The following ANO2 variants were observed in gnomAD, a reference collection of about 807,000 sequenced individuals.
ANO2 encodes the protein anoctamin-2.
ANO2 carries 101 observed loss-of-function variants against 124.2 expected under a neutral mutation model. The observed-to-expected ratio is 0.81, with a 90% CI of 0.69 to 0.96. The LOEUF (loss-of-function observed/expected upper bound fraction) is 0.96. Ranked by LOEUF, ANO2 falls within the 40% of genes least tolerant of loss-of-function variation. The pLI is 0.00. For missense variants in ANO2, 1,293 were observed against 1,274.5 expected, an observed-to-expected ratio of 1.01 and a Z score of -0.22; for synonymous variants, 486 against 482.5, an observed-to-expected ratio of 1.01 and a Z score of -0.09.
chr12:5,896,988 CATAAA>C (rs1325693048), intron 3 of ANO2, among the ~76,000 whole-genome samples: 1 of 152,032 alleles, frequency 6.6e-6, no homozygotes. Flanking sequence ...AAATGTTGAA[CATAAA>C]ATAAATCATC....
chr12:5,614,801 C>T (rs1265430239), intron 17 of ANO2, among the ~76,000 whole-genome samples: 1 of 152,142 alleles, frequency 6.6e-6, no homozygotes, highest in Non-Finnish European at 1.5e-5. Flanking sequence ...TTGTGAGGGG[C>T]CGTGCCCTTA....
intron 14 of ANO2, among the ~76,000 whole-genome samples, chr12:5,684,756 G>A (rs748224614): frequency 6.6e-6 from 1 of 152,076 alleles, no homozygotes; most frequent in Non-Finnish European, 1.5e-5. Flanking sequence ...TTCTGATCAC[G>A]ACTCCCTTGA....
intron 3 of ANO2, among the ~76,000 whole-genome samples, chr12:5,912,003 G>T (rs983267540): frequency 6.6e-6 from 1 of 152,184 alleles, no homozygotes; most frequent in African/African-American, 2.4e-5. Context: ...CGTGACATTC[G>T]TTGAGCCATA....
At chr12:5,824,795 T>TA (rs1340604308) in intron 7 of ANO2, among the ~76,000 whole-genome samples, 1 of 152,132 alleles carries the variant, frequency 6.6e-6, no homozygotes, top group Non-Finnish European at 1.5e-5. Context: ...AAAAAGGACT[T>TA]ACAGTTACAC....
chr12:5,796,279 ACACACACTCATT>A (rs1286577705), intron 10 of ANO2, among the ~76,000 whole-genome samples: 1 of 151,452 alleles, frequency 6.6e-6, no homozygotes, highest in Non-Finnish European at 1.5e-5. Flanking sequence ...ACACGCATGC[ACACACACTCATT>A]CACACGCTCA....
Position 5,575,856 on chromosome 12 carries a change from C to CA in ANO2, c.2598dup (p.Asp867Ter). 9 of 1,613,910 alleles carry CA rather than the reference C, an allele frequency of 5.6e-6. No homozygotes were observed. Among genetic ancestry groups the CA allele is most frequent in the Non-Finnish European group, 7.6e-6 (9 of 1,179,856 alleles). On this transcript the variant is annotated frameshift_variant, in exon 23 of 25. Transcript: ENST00000682330. LOFTEE classifies it high-confidence loss of function. ...TACCTGCAGAACTGAACCTCCTGGT[C>CA]AAACTGTGAGTTTTCTGGCTGCGTC...
At chr12:5,911,108 T>G (rs1941021843) in intron 3 of ANO2, among the ~76,000 whole-genome samples, 1 of 152,170 alleles carries the variant, frequency 6.6e-6, no homozygotes, top group African/African-American at 2.4e-5. Flanking sequence ...CTCCCAGGAC[T>G]CTTTTCTCAC....
intron 20 of ANO2, among the ~76,000 whole-genome samples, chr12:5,593,339 C>G (rs757177612): frequency 1.2e-4 from 19 of 152,062 alleles, no homozygotes; most frequent in Non-Finnish European, 2.2e-4. Flanking sequence ...TTTTGGATGA[C>G]TAGAGGAACA....
chr12:5,719,971 G>A (rs562018854), intron 14 of ANO2, among the ~76,000 whole-genome samples: 1 of 152,072 alleles, frequency 6.6e-6, no homozygotes, highest in East Asian at 1.9e-4. Flanking sequence ...CTGGCTCAGG[G>A]TCTGCATCTG....
intron 14 of ANO2, among the ~76,000 whole-genome samples, chr12:5,723,360 T>C (rs1455569900): frequency 6.6e-6 from 1 of 152,190 alleles, no homozygotes; most frequent in Non-Finnish European, 1.5e-5. Flanking sequence ...AGGTGGAGCC[T>C]TGTGGCTGGT....
At chr12:5,824,710 C>T (rs1953903517) in intron 7 of ANO2, among the ~76,000 whole-genome samples, 1 of 152,154 alleles carries the variant, frequency 6.6e-6, no homozygotes, top group Admixed American at 6.5e-5. Flanking sequence ...CAGCAATGCC[C>T]CACTCTATTG....
At chr12:5,808,248 A>G (rs1383317640) in intron 7 of ANO2, among the ~76,000 whole-genome samples, 5 of 152,280 alleles carry the variant, frequency 3.3e-5, no homozygotes, top group Non-Finnish European at 7.3e-5. Flanking sequence ...CCACTTGCAC[A>G]TAGCAGACCC....
At chr12:5,661,585 G>A (rs1591839838) in intron 14 of ANO2, among the ~76,000 whole-genome samples, 1 of 152,120 alleles carries the variant, frequency 6.6e-6, no homozygotes, top group Admixed American at 6.5e-5. Flanking sequence ...TTGGCACTCA[G>A]TGACGCTCAG....
rs138210929 is a variant in ANO2, at chr12:5,635,383, G to A, written c.1621-36C>T. 426 of 1,457,488 alleles carry A rather than the reference G, an allele frequency of 2.9e-4. No homozygotes were observed. The African/African-American group carries it at 4.0e-3, about 14-fold the overall frequency. The allele number at this position is 1,457,488 out of a possible 1,614,324, so 90.3% of individuals were successfully genotyped here. ...AAACAGAGAGAAGTACACATCAGCC[G>A]GCAATTACCGAGCACCTACTATTTG... On this transcript the variant is annotated intron_variant, in intron 15 of 24. Transcript: ENST00000682330. This position sits in a 1 kb window ranked among gnomAD's most constrained non-coding sequence, Gnocchi z 5.2.
At position 5,635,599 on chromosome 12, in the gene ANO2, T is replaced by TCACACA. The variant is rs60128304; in HGVS notation, c.1621-258_1621-253dup. 0.34 allele frequency among the ~76,000 whole-genome samples: 49,970 copies of TCACACA among 146,604 alleles called. 9,538 individuals are homozygous for TCACACA. Among genetic ancestry groups the TCACACA allele is most frequent in the South Asian group, 0.47 (2,089 of 4,414 alleles). ...TTTTTGTCAGATTCCAAATGATTTA[T>TCACACA]CACACACACACACACACACACACAC... On this transcript the variant is annotated intron_variant, in intron 15 of 24. Transcript: ENST00000682330. This position sits in a 1 kb window ranked among gnomAD's most constrained non-coding sequence, Gnocchi z 5.2.
chr12:5,876,109 A>G (rs1938080600), intron 3 of ANO2, among the ~76,000 whole-genome samples: 1 of 152,214 alleles, frequency 6.6e-6, no homozygotes, highest in Non-Finnish European at 1.5e-5. Flanking sequence ...CATCCCCCTC[A>G]GTCTGCTATT....
At chr12:5,632,464 T>C (rs1332093367) in intron 16 of ANO2, among the ~76,000 whole-genome samples, 2 of 152,066 alleles carry the variant, frequency 1.3e-5, no homozygotes, top group Non-Finnish European at 2.9e-5. Flanking sequence ...TTTATGAGTA[T>C]CACTCTCAGA....
At chr12:5,772,465 T>C (rs1952111724) in intron 10 of ANO2, among the ~76,000 whole-genome samples, 1 of 152,238 alleles carries the variant, frequency 6.6e-6, no homozygotes, top group African/African-American at 2.4e-5. Flanking sequence ...ACCAGTTAAA[T>C]GTTTAACTCA....
At chr12:5,661,487 G>T (rs925993797) in intron 14 of ANO2, among the ~76,000 whole-genome samples, 3 of 152,126 alleles carry the variant, frequency 2.0e-5, no homozygotes, top group Non-Finnish European at 4.4e-5. Flanking sequence ...AGCTCTAAGG[G>T]GTGCCTATAG....
Sources: gnomAD v4.1 joint callset for allele counts (sites outside exome capture counted in the v4.1 genomes callset) on GRCh38, gnomAD v4.1.1 for gene constraint, Gnocchi (gnomAD v3.1) non-coding constraint, MANE v1.5 for transcripts, NCBI Gene and HGNC (gene_info 2026-07-23, HGNC 2026-07-21) for gene names.